Variants in PLPP3 observed in about 807,000 individuals in gnomAD.
The protein encoded by PLPP3 is phospholipid phosphatase 3.
In PLPP3, 6 loss-of-function variants were observed where a neutral mutation model predicts 29.6. The observed-to-expected ratio is 0.20, with a 90% CI of 0.11 to 0.40. The LOEUF is 0.40. Among genes scored for constraint, PLPP3 ranks in the 10% least tolerant of loss-of-function variants. PLPP3 has a pLI of 1.00. For synonymous variants in PLPP3, 152 were observed against 159.7 expected (o/e 0.95, Z 0.36); for missense variants, 308 against 407.7 (o/e 0.76, Z 2.11).
chr1:56,570,808 T>C (rs1569613101), intron 1 of PLPP3, among the ~76,000 whole-genome samples: 1 of 150,504 alleles, frequency 6.6e-6, no homozygotes, highest in Non-Finnish European at 1.5e-5. Context: ...TTTTCTCCCC[T>C]GAGATACATC....
intron 1 of PLPP3, among the ~76,000 whole-genome samples, chr1:56,552,591 C>T (rs916450927): frequency 6.6e-6 from 1 of 152,112 alleles, no homozygotes; most frequent in Non-Finnish European, 1.5e-5. Context: ...CCTCAGAGAG[C>T]TCCTGGTTCT....
At chr1:56,551,293 T>TTG (rs1557511327) in intron 1 of PLPP3, among the ~76,000 whole-genome samples, 5 of 148,366 alleles carry the variant, frequency 3.4e-5, no homozygotes, top group African/African-American at 7.5e-5. Flanking sequence ...TTGGTTTGGT[T>TTG]CGGTTCGGTT....
At chr1:56,528,405 A>C (rs925909029) in intron 2 of PLPP3, among the ~76,000 whole-genome samples, 17 of 152,158 alleles carry the variant, frequency 1.1e-4, no homozygotes, top group African/African-American at 4.1e-4. Context: ...ATGAAGAAAA[A>C]TTAGGATAGA....
intron 1 of PLPP3, among the ~76,000 whole-genome samples, chr1:56,569,347 T>A (rs1231490033): frequency 6.6e-6 from 1 of 151,996 alleles, no homozygotes; most frequent in East Asian, 1.9e-4. Context: ...TAATTTTTTG[T>A]ATTTTTGTTA....
At chr1:56,504,333 A>C (rs1645687597) in intron 5 of PLPP3, among the ~76,000 whole-genome samples, 1 of 152,114 alleles carries the variant, frequency 6.6e-6, no homozygotes, top group Non-Finnish European at 1.5e-5. Flanking sequence ...ATACTGATGG[A>C]GAACAGGAAT....
At chr1:56,557,008 A>AAGAAAGAAAGAAAGAAAGAGAG (rs1553139323) in intron 1 of PLPP3, among the ~76,000 whole-genome samples, 8 of 13,742 alleles carry the variant, frequency 5.8e-4, no homozygotes, top group African/African-American at 1.8e-3. Flanking sequence ...GAAAGAAAGA[A>AAGAAAGAAAGAAAGAAAGAGAG]AGAGAGAGAG....
chr1:56,523,335 C>T (rs940078407), intron 4 of PLPP3, among the ~76,000 whole-genome samples: 2 of 152,158 alleles, frequency 1.3e-5, no homozygotes, highest in African/African-American at 4.8e-5. Flanking sequence ...CCTGCTGTTA[C>T]GTACATTTTG....
At chr1:56,518,623 T>C (rs2100241288) in intron 4 of PLPP3, among the ~76,000 whole-genome samples, 1 of 151,864 alleles carries the variant, frequency 6.6e-6, no homozygotes, top group Admixed American at 6.6e-5. Flanking sequence ...ACTTACTAGG[T>C]ATCAGGCATT....
intron 2 of PLPP3, among the ~76,000 whole-genome samples, chr1:56,529,855 G>A (rs1466018761): frequency 6.6e-6 from 1 of 152,076 alleles, no homozygotes; most frequent in Non-Finnish European, 1.5e-5. Context: ...GGGTAAGTCA[G>A]AACTCCAATA....
chr1:56,536,667 G>A lies in PLPP3; in HGVS notation c.297+288C>T, dbSNP rs138442216. Among the ~76,000 whole-genome samples, 459 of 152,246 alleles carry A rather than the reference G, an allele frequency of 3.0e-3. 1 individual carries two copies. The highest frequency in any genetic ancestry group is 8.5e-3 in the African/African-American group (355 of 41,528). ...TAGCCTTCCTGAACTGTAAGTCTGC[G>A]AGATGGAAAGGGGGTTTGAAATCAG... On this transcript the variant is annotated intron_variant, in intron 2 of 5. Transcript: ENST00000371250.
intron 1 of PLPP3, among the ~76,000 whole-genome samples, chr1:56,537,470 T>A (rs1645936569): frequency 6.6e-6 from 1 of 152,184 alleles, no homozygotes; most frequent in Admixed American, 6.5e-5. Context: ...ATCTCATGAT[T>A]TATGCTTCCA....
chr1:56,564,291 A>G (rs1646147720), intron 1 of PLPP3, among the ~76,000 whole-genome samples: 1 of 152,206 alleles, frequency 6.6e-6, no homozygotes, highest in Non-Finnish European at 1.5e-5. Flanking sequence ...TATACTGTCA[A>G]TGCTCAAAAA....
chr1:56,528,947 A>G (rs1338744089), intron 2 of PLPP3, among the ~76,000 whole-genome samples: 1 of 151,472 alleles, frequency 6.6e-6, no homozygotes, highest in Non-Finnish European at 1.5e-5. Flanking sequence ...CTATTTGTAA[A>G]TTATCCCAAG....
chr1:56,520,910 CAAAAAAAAAAAAA>C (rs1169318077), intron 4 of PLPP3, among the ~76,000 whole-genome samples: 1 of 61,908 alleles, frequency 1.6e-5, no homozygotes, highest in Non-Finnish European at 2.7e-5. Context: ...GACTCCATCT[CAAAAAAAAAAAAA>C]AAAAAAAAAA....
At position 56,579,066 on chromosome 1, in the gene PLPP3, A is replaced by G. The variant is rs1167072365; in HGVS notation, c.-50T>C. 1 of 1,568,582 alleles carries G rather than the reference A, an allele frequency of 6.4e-7. No homozygotes were observed. Among genetic ancestry groups the G allele is most frequent in the Non-Finnish European group, 8.6e-7 (1 of 1,163,828 alleles). On this transcript the variant is annotated 5_prime_UTR_variant, in exon 1 of 6. Coordinates refer to ENST00000371250, the MANE Select transcript of PLPP3 (RefSeq NM_003713.5). ...CCGCCCCGCGAAGACGTCCCGCAAC[A>G]GCAGCCACACACCCAGGCGCCCGGG...
In PLPP3 at chr1:56,579,146, C is replaced by A. The variant is rs977104927; in HGVS notation, c.-130G>T. On this transcript the variant is annotated 5_prime_UTR_variant, in exon 1 of 6. Coordinates refer to ENST00000371250, the MANE Select transcript of PLPP3 (RefSeq NM_003713.5). ...GTGGCGGGTCGGCCCCGGCTCCGGG[C>A]GCGGCGGCTAGAGTGCAGCCGGGGC... 2.3e-6 allele frequency: 3 copies of A among 1,306,224 alleles called. No individual in the cohort carries two copies. The highest frequency in any genetic ancestry group is 3.2e-5 in the Admixed American group (1 of 31,176). 80.9% of individuals were successfully genotyped at this position (1,306,224 alleles called of 1,614,324 possible). A position where few individuals can be genotyped will look rare whatever the true frequency, so the allele number is the denominator to read the frequency against.
rs181226120 is a variant in PLPP3, at chr1:56,571,124, T to C, written c.139+7754A>G. Among the ~76,000 whole-genome samples the C allele has an allele frequency of 2.8e-4, 43 of 152,332 alleles. No individual in the cohort carries two copies. In the East Asian group the frequency reaches 4.8e-3, roughly 17 times the overall value. ...ACAAGTCCACATCCGAAAAGCAGAA[T>C]GGTAGAAAGGCAAGACCTTGGTTCT... On this transcript the variant is annotated intron_variant, in intron 1 of 5. Transcript: ENST00000371250.
intron 1 of PLPP3, among the ~76,000 whole-genome samples, chr1:56,569,500 C>A (rs1006716571): frequency 5.9e-5 from 9 of 152,052 alleles, no homozygotes; most frequent in African/African-American, 2.2e-4. Context: ...AATGGTGCAG[C>A]CACTATGAAA....
chr1:56,548,430 C>T (rs1646018924), intron 1 of PLPP3, among the ~76,000 whole-genome samples: 1 of 152,190 alleles, frequency 6.6e-6, no homozygotes, highest in Non-Finnish European at 1.5e-5. Flanking sequence ...TTACAGGCTA[C>T]ATTTTCATTT....
Sources: gnomAD v4.1 joint callset for allele counts (sites outside exome capture counted in the v4.1 genomes callset) on GRCh38, gnomAD v4.1.1 for gene constraint, MANE v1.5 for transcripts, NCBI Gene and HGNC (gene_info 2026-07-23, HGNC 2026-07-21) for gene names.